The following POLR1B variants were observed in gnomAD, a reference collection of about 807,000 sequenced individuals.
The protein encoded by POLR1B is RNA polymerase I subunit B.
POLR1B carries 30 observed loss-of-function variants against 105.8 expected under a neutral mutation model. The observed-to-expected ratio is 0.28, with a 90% CI of 0.21 to 0.38. The LOEUF is 0.38. Among genes scored for constraint, POLR1B ranks in the 10% least tolerant of loss-of-function variants. The pLI, the probability that POLR1B is intolerant of heterozygous loss-of-function variation, is 1.00. For synonymous variants in POLR1B, 485 were observed against 505.1 expected (o/e 0.96, Z 0.53); for missense variants, 976 against 1,435.8 (o/e 0.68, Z 5.17).
Position 112,575,821 on chromosome 2 carries a change from G to A in POLR1B, c.*92G>A. 1 of 1,404,250 alleles carries A rather than the reference G, an allele frequency of 7.1e-7. No individual in the cohort carries two copies. The highest frequency in any genetic ancestry group is 2.3e-5 in the East Asian group (1 of 43,676). The allele number at this position is 1,404,250 out of a possible 1,614,324, so 87.0% of individuals were successfully genotyped here. On this transcript the variant is annotated 3_prime_UTR_variant, in exon 15 of 15. Coordinates refer to ENST00000263331, the MANE Select transcript of POLR1B (RefSeq NM_019014.6). The surrounding 1 kb of genome is among the most constrained non-coding windows in gnomAD (Gnocchi z 5.3). ...AAGATATCATTACCAGGTTACTCTTGAGATTTTTCAACGGTGTTAGAACTC... is the reference window on the plus strand; with the variant it reads ...AAGATATCATTACCAGGTTACTCTTAAGATTTTTCAACGGTGTTAGAACTC...
rs1377271693 is a variant in POLR1B, at chr2:112,542,505, G to C, written c.11G>C (p.Gly4Ala). The C allele has an allele frequency of 7.4e-6, 12 of 1,613,898 alleles. No individual in the cohort carries two copies. The highest frequency in any genetic ancestry group is 1.0e-5 in the Non-Finnish European group (12 of 1,180,018). The change falls in exon 1 of 15, where the codon GGC becomes GCC. Residue 4 changes from glycine (G) to alanine (A), a missense_variant. Gly to Ala is a moderately conservative substitution (Grantham distance 60). Around this residue, in one of 12 missense-constraint regions of POLR1B, gnomAD observed 452 missense variants for 616.5 expected, o/e 0.73. Transcript: ENST00000263331. MDP[G>A]SRWRNLPSGP... The stretch of plus-strand genomic sequence containing the variant: ...TGTGCAGGTGGCCACATGGATCCTG[G>C]CAGCCGGTGGCGGAACCTGCCCAGC...
chr2:112,564,756 A>G (rs1684189550), intron 10 of POLR1B, among the ~76,000 whole-genome samples: 1 of 152,190 alleles, frequency 6.6e-6, no homozygotes, highest in African/African-American at 2.4e-5. Flanking sequence ...TGCTTATCTA[A>G]CTAATTTTAA....
Position 112,575,057 on chromosome 2 carries a change from C to T in POLR1B, c.2736C>T (p.Asp912=). 1 of 1,614,184 alleles carries T rather than the reference C, an allele frequency of 6.2e-7. No individual in the cohort carries two copies. The highest frequency in any genetic ancestry group is 1.3e-5 in the African/African-American group (1 of 75,040). Residue 912 remains aspartate, a synonymous_variant, in exon 15 of 15, where the codon GAC becomes GAT. Transcript: ENST00000263331. The surrounding 1 kb of genome is among the most constrained non-coding windows in gnomAD (Gnocchi z 5.3). The stretch of plus-strand genomic sequence containing the variant: ...TTACTGAGAGTGGGATGGTCCCAGA[C>T]ATTCTGTTCAATCCCCATGGTTTTC... ...MPFTESGMVP[D]ILFNPHGFPS...
At chr2:112,574,799 AT>A (rs1558667434) in intron 14 of POLR1B, 47 bp from the exon 15 acceptor site, 19 of 1,495,786 alleles carry the variant, frequency 1.3e-5, no homozygotes, top group Non-Finnish European at 1.7e-5. Flanking sequence ...ACTTATCTCC[AT>A]AAGTTAAAAC....
intron 5 of POLR1B, 67 bp downstream of exon 5, chr2:112,551,069 T>C: frequency 6.9e-7 from 1 of 1,456,948 alleles, no homozygotes; most frequent in Non-Finnish European, 9.6e-7. Context: ...CTGTGCACAT[T>C]GGATGGATTC....
intron 7 of POLR1B, chr2:112,554,716 C>T (rs1227428807): frequency 1.3e-5 from 2 of 152,046 alleles, no homozygotes; most frequent in African/African-American, 2.4e-5. Context: ...TATTCCACAT[C>T]AATTCCTAAT....
Position 112,575,261 on chromosome 2 carries a change from T to C in POLR1B, c.2940T>C (p.Tyr980=). The C allele has an allele frequency of 6.2e-7, 1 of 1,614,136 alleles. No homozygotes were observed. The highest frequency in any genetic ancestry group is 8.5e-7 in the Non-Finnish European group (1 of 1,180,016). The change falls in exon 15 of 15, where the codon TAT becomes TAC. Residue 980 remains tyrosine (Y), a synonymous_variant. Coordinates refer to ENST00000263331, the MANE Select transcript of POLR1B (RefSeq NM_019014.6). The surrounding 1 kb of genome is among the most constrained non-coding windows in gnomAD (Gnocchi z 5.3). ...ATTTCTATGGCACCGAGAGGTTATA[T>C]AGTGGCATCAGTGGGCTAGAACTGG... The part of the protein sequence containing the change: ...GYNFYGTERL[Y]SGISGLELEA...
chr2:112,547,318 A>C (rs1017729016), intron 2 of POLR1B, 103 bp from the exon 3 acceptor site: 23 of 1,490,744 alleles, frequency 1.5e-5, no homozygotes, highest in Admixed American at 1.9e-5. Context: ...CTAAGGCATA[A>C]AATAATTTAA....
chr2:112,573,326 C>T (rs1178974642), intron 13 of POLR1B, among the ~76,000 whole-genome samples: 1 of 152,220 alleles, frequency 6.6e-6, no homozygotes, highest in African/African-American at 2.4e-5. Context: ...TGGTCTCGAA[C>T]TCCTGACCTC....
At chr2:112,572,532 A>G (rs752144235) in intron 12 of POLR1B, 30 bp from the exon 13 acceptor site, 2 of 1,492,960 alleles carry the variant, frequency 1.3e-6, no homozygotes, top group East Asian at 4.7e-5. Context: ...AAAGCAGCAG[A>G]AAATGCTAAG....
intron 3 of POLR1B, 144 bp downstream of exon 3, chr2:112,547,711 ATG>A: frequency 1.3e-6 from 1 of 796,836 alleles, no homozygotes. Context: ...CATACAGTGT[ATG>A]GCTCTGAATA....
chr2:112,564,626 A>T lies in POLR1B; in HGVS notation c.1746+127A>T. 3 of 1,244,932 alleles carry T rather than the reference A, an allele frequency of 2.4e-6. No homozygotes were observed. The East Asian group carries it at 7.0e-5, about 29-fold the overall frequency. The allele number at this position is 1,244,932 out of a possible 1,614,324, so 77.1% of individuals were successfully genotyped here. A position where few individuals can be genotyped will look rare whatever the true frequency, so the allele number is the denominator to read the frequency against. On this transcript the variant is annotated intron_variant, in intron 10 of 14. Coordinates refer to ENST00000263331, the MANE Select transcript of POLR1B (RefSeq NM_019014.6). Reference sequence around the variant, plus strand: ...TGGTCAGGGGGTCACAATGTCCAGAATGCCTGTGCATTCCCTCTGGTGACA... The same window carrying T: ...TGGTCAGGGGGTCACAATGTCCAGATTGCCTGTGCATTCCCTCTGGTGACA...
intron 12 of POLR1B, among the ~76,000 whole-genome samples, chr2:112,571,267 A>G (rs571037265): frequency 6.6e-6 from 1 of 152,006 alleles, no homozygotes. Flanking sequence ...AAGTTTCACC[A>G]TTTCTTTGTA....
intron 9 of POLR1B, among the ~76,000 whole-genome samples, chr2:112,562,728 C>CTTTTTTT (rs70965010): frequency 8.3e-6 from 1 of 120,644 alleles, no homozygotes; most frequent in Non-Finnish European, 1.7e-5. Context: ...TCTTTTTTTT[C>CTTTTTTT]TTTTTTTTTT....
rs1684922146 is a variant in POLR1B at position 112,577,493 on chromosome 2, G to A, written c.*1764G>A. ...GAACCCAAGAGGTCGAGGCTGCAGT[G>A]AGCCAAGATTGTGCCACTGCACTCC... On this transcript the variant is annotated 3_prime_UTR_variant, in exon 15 of 15. Transcript: ENST00000263331. 6.6e-6 allele frequency among the ~76,000 whole-genome samples: 1 copy of A among 152,148 alleles called. No homozygotes were observed. The highest frequency in any genetic ancestry group is 2.4e-5 in the African/African-American group (1 of 41,442).
chr2:112,545,279 T>C (rs1034358874), intron 1 of POLR1B, among the ~76,000 whole-genome samples: 9 of 152,218 alleles, frequency 5.9e-5, no homozygotes, highest in East Asian at 1.9e-4. Flanking sequence ...TTAGATAAGC[T>C]GTCCTTAAAC....
chr2:112,549,564 T>C (rs992568121), intron 4 of POLR1B, among the ~76,000 whole-genome samples, 165 bp downstream of exon 4: 1 of 151,166 alleles, frequency 6.6e-6, no homozygotes, highest in Non-Finnish European at 1.5e-5. Flanking sequence ...CTCGAACTCT[T>C]GGGCTCAAGC....
At chr2:112,558,231 G>C in intron 8 of POLR1B, 150 bp downstream of exon 8, 1 of 496,998 alleles carries the variant, frequency 2.0e-6, no homozygotes, top group South Asian at 1.1e-4. Flanking sequence ...GGTCTAAAGG[G>C]CTTTAGACAA....
At chr2:112,573,164 A>T (rs1270881650) in intron 13 of POLR1B, among the ~76,000 whole-genome samples, 1 of 152,192 alleles carries the variant, frequency 6.6e-6, no homozygotes, top group Non-Finnish European at 1.5e-5. Context: ...GTGCAGTGGC[A>T]CGATCTTGGC....
Sources: gnomAD v4.1 joint callset for allele counts (sites outside exome capture counted in the v4.1 genomes callset) on GRCh38, gnomAD v4.1.1 for gene constraint, gnomAD v4.1.1 regional missense constraint, Gnocchi (gnomAD v3.1) non-coding constraint, MANE v1.5 for transcripts, NCBI Gene and HGNC (gene_info 2026-07-23, HGNC 2026-07-21) for gene names.